The following BMPR1A variants were observed in gnomAD, a reference collection of about 807,000 sequenced individuals.
The protein encoded by BMPR1A is bone morphogenetic protein receptor type-1A.
In BMPR1A, 7 loss-of-function variants were observed where a neutral mutation model predicts 66.0. That is an observed-to-expected ratio of 0.11 (90% CI 0.06 to 0.20). The LOEUF (loss-of-function observed/expected upper bound fraction) is 0.20. Ranked by LOEUF, BMPR1A falls within the 10% of genes least tolerant of loss-of-function variation. BMPR1A has a pLI of 1.00. For missense variants in BMPR1A, 408 were observed against 669.1 expected, an observed-to-expected ratio of 0.61 and a Z score of 4.31; for synonymous variants, 200 against 229.7, an observed-to-expected ratio of 0.87 and a Z score of 1.17.
intron 1 of BMPR1A, among the ~76,000 whole-genome samples, chr10:86,782,478 A>G (rs1021890810): frequency 1.3e-5 from 2 of 151,416 alleles, no homozygotes; most frequent in African/African-American, 2.4e-5. Flanking sequence ...ATTCCTCCAC[A>G]TCCTTGCCAA....
At chr10:86,874,123 CAATAA>C (rs1842888087) in intron 2 of BMPR1A, among the ~76,000 whole-genome samples, 2 of 152,078 alleles carry the variant, frequency 1.3e-5, no homozygotes, top group Non-Finnish European at 1.5e-5. Flanking sequence ...AGCTGAAAGT[CAATAA>C]AATCAAACCA....
At chr10:86,812,273 A>T (rs887102524) in intron 1 of BMPR1A, among the ~76,000 whole-genome samples, 2 of 152,134 alleles carry the variant, frequency 1.3e-5, no homozygotes. Flanking sequence ...TGTCTTTTTG[A>T]AGTACCCTCT....
intron 2 of BMPR1A, among the ~76,000 whole-genome samples, chr10:86,847,610 G>T (rs1842505720): frequency 6.6e-6 from 1 of 151,902 alleles, no homozygotes; most frequent in African/African-American, 2.4e-5. Context: ...AACACTCTGG[G>T]AGGCCAAGGT....
At chr10:86,909,777 A>T (rs941560519) in intron 7 of BMPR1A, among the ~76,000 whole-genome samples, 1 of 152,138 alleles carries the variant, frequency 6.6e-6, no homozygotes, top group Non-Finnish European at 1.5e-5. Flanking sequence ...ATGCTTGATA[A>T]AATTAAATAT....
At chr10:86,785,260 T>C (rs1019094938) in intron 1 of BMPR1A, among the ~76,000 whole-genome samples, 2 of 152,230 alleles carry the variant, frequency 1.3e-5, no homozygotes, top group Non-Finnish European at 2.9e-5. Flanking sequence ...GTTGCATGTG[T>C]ACTTGAGAAA....
At chr10:86,816,844 T>A (rs1342264676) in intron 1 of BMPR1A, among the ~76,000 whole-genome samples, 1 of 152,200 alleles carries the variant, frequency 6.6e-6, no homozygotes, top group Admixed American at 6.5e-5. Context: ...CCACTCTTTA[T>A]GGGAACAGCA....
chr10:86,868,201 C>T (rs573529220), intron 2 of BMPR1A, among the ~76,000 whole-genome samples: 30 of 152,278 alleles, frequency 2.0e-4, no homozygotes, highest in African/African-American at 6.7e-4. Context: ...GATCTGACAG[C>T]GTGGACACCA....
At chr10:86,795,327 T>G (rs1841692423) in intron 1 of BMPR1A, among the ~76,000 whole-genome samples, 1 of 152,252 alleles carries the variant, frequency 6.6e-6, no homozygotes, top group Admixed American at 6.5e-5. Context: ...ACTCAGATAG[T>G]GATTCATTTA....
intron 1 of BMPR1A, among the ~76,000 whole-genome samples, chr10:86,801,341 T>G (rs1420688925): frequency 6.6e-6 from 1 of 152,144 alleles, no homozygotes; most frequent in African/African-American, 2.4e-5. Flanking sequence ...TTCACTGTGT[T>G]GCTCAGGCTG....
intron 1 of BMPR1A, among the ~76,000 whole-genome samples, chr10:86,769,633 T>A (rs148888314): frequency 1.6e-4 from 24 of 152,286 alleles, no homozygotes; most frequent in East Asian, 5.8e-4. Flanking sequence ...GTGCCAGAAT[T>A]GTCATTGCAG....
chr10:86,842,987 G>A, intron 2 of BMPR1A, among the ~76,000 whole-genome samples: 1 of 152,152 alleles, frequency 6.6e-6, no homozygotes, highest in East Asian at 1.9e-4. Context: ...TGGGGACACA[G>A]CCAAACCATA....
At chr10:86,917,105 G>T in intron 8 of BMPR1A, 29 bp from the exon 9 acceptor site, 1 of 1,611,570 alleles carries the variant, frequency 6.2e-7, no homozygotes, top group African/African-American at 1.3e-5. Flanking sequence ...TTCATCAAGA[G>T]CTCAAACCTT....
chr10:86,810,757 C>T lies in BMPR1A; in HGVS notation c.-267-28108C>T, dbSNP rs72841881. Among the ~76,000 whole-genome samples, 1,358 of 152,238 alleles carry T rather than the reference C, an allele frequency of 8.9e-3. 8 individuals are homozygous for T. The highest frequency in any genetic ancestry group is 0.015 in the Non-Finnish European group (1,040 of 67,978). On this transcript the variant is annotated intron_variant, in intron 1 of 12. Coordinates refer to ENST00000372037, the MANE Select transcript of BMPR1A (RefSeq NM_004329.3). ...GCTCATTTTTAACTGGGTTATTTCT[C>T]TTTTTATTGTTGAATTTCAATGGTT...
At chr10:86,890,396 A>C (rs1435292791) in intron 4 of BMPR1A, among the ~76,000 whole-genome samples, 172 bp downstream of exon 4, 2 of 152,082 alleles carry the variant, frequency 1.3e-5, no homozygotes, top group African/African-American at 4.8e-5. Context: ...CCATTAAATG[A>C]TTGATAGGTG....
At chr10:86,810,502 C>G (rs1259816345) in intron 1 of BMPR1A, among the ~76,000 whole-genome samples, 3 of 152,152 alleles carry the variant, frequency 2.0e-5, no homozygotes, top group Non-Finnish European at 4.4e-5. Flanking sequence ...TTTTCTTTTC[C>G]AAAATGGCTG....
intron 1 of BMPR1A, among the ~76,000 whole-genome samples, chr10:86,801,863 C>T (rs570285719): frequency 1.2e-3 from 183 of 152,206 alleles, no homozygotes; most frequent in African/African-American, 4.3e-3. Context: ...CAGGCACCCG[C>T]CACCATGCCC....
At chr10:86,855,304 A>G in intron 2 of BMPR1A, 1 of 1,018,726 alleles carries the variant, frequency 9.8e-7, no homozygotes, top group Non-Finnish European at 1.4e-6. Flanking sequence ...CCACCCAATC[A>G]AAGTCTCCTT....
At chr10:86,799,493 CCTTCCTTCCTTCCTTT>C (rs1200594243) in intron 1 of BMPR1A, among the ~76,000 whole-genome samples, 5 of 112,778 alleles carry the variant, frequency 4.4e-5, no homozygotes, top group African/African-American at 7.9e-5. Flanking sequence ...TTCCTTCCTT[CCTTCCTTCCTTCCTTT>C]CTTTTCTTTT....
chr10:86,857,344 C>T (rs1842656052), intron 2 of BMPR1A, among the ~76,000 whole-genome samples: 1 of 152,122 alleles, frequency 6.6e-6, no homozygotes, highest in African/African-American at 2.4e-5. Flanking sequence ...AAGGAAATTC[C>T]ATGAATTAGA....
Sources: allele counts gnomAD v4.1 joint callset (sites outside exome capture counted in the v4.1 genomes callset), GRCh38; gene constraint gnomAD v4.1.1; transcripts MANE v1.5; gene names NCBI Gene and HGNC (gene_info 2026-07-23, HGNC 2026-07-21).